Variants in GALNT18 observed in about 807,000 individuals in gnomAD.
GALNT18 encodes polypeptide N-acetylgalactosaminyltransferase 18.
Under a neutral mutation model 69.5 loss-of-function variants are expected in GALNT18, and 44 were observed. The ratio of observed to expected loss-of-function variants is 0.63; its 90% CI spans 0.50 to 0.81. The LOEUF (loss-of-function observed/expected upper bound fraction) is 0.81, where lower values mean the gene tolerates loss of function less well. Among genes scored for constraint, GALNT18 ranks in the 40% least tolerant of loss-of-function variants. The pLI, the probability that GALNT18 is intolerant of heterozygous loss-of-function variation, is 0.00. For missense variants in GALNT18, 715 were observed against 810.0 expected (o/e 0.88, Z 1.42); for synonymous variants, 364 against 318.2 (o/e 1.14, Z -1.53).
intron 1 of GALNT18, among the ~76,000 whole-genome samples, chr11:11,572,763 C>A (rs190468441): frequency 6.6e-6 from 1 of 152,182 alleles, no homozygotes; most frequent in Admixed American, 6.5e-5. Context: ...TATTAGGATG[C>A]AGAAGCAGGC....
In GALNT18 at chr11:11,404,362, T is replaced by A. The variant is rs1222427304; in HGVS notation, c.596-25098A>T. Among the ~76,000 whole-genome samples the A allele has an allele frequency of 6.6e-6, 1 of 152,174 alleles. No individual in the cohort carries two copies. Among genetic ancestry groups the A allele is most frequent in the Non-Finnish European group, 1.5e-5 (1 of 68,036 alleles). On this transcript the variant is annotated intron_variant, in intron 3 of 10. Coordinates refer to ENST00000227756, the MANE Select transcript of GALNT18 (RefSeq NM_198516.3). This position sits in a 1 kb window ranked among gnomAD's most constrained non-coding sequence, Gnocchi z 4.5. Reference sequence around the variant, plus strand: ...ATTAGTTGGATTCAACTTCGGCTGCTTTTATTCTCTCACCCTCCCTAGGGA... The same window carrying A: ...ATTAGTTGGATTCAACTTCGGCTGCATTTATTCTCTCACCCTCCCTAGGGA...
chr11:11,516,693 C>G (rs1247872587), intron 1 of GALNT18, among the ~76,000 whole-genome samples: 2 of 152,130 alleles, frequency 1.3e-5, no homozygotes, highest in African/African-American at 4.8e-5. Context: ...CTTTCCTCAT[C>G]ATTAATAAGA....
At position 11,377,908 on chromosome 11, in the gene GALNT18, A is replaced by G. The variant is rs1487202929; in HGVS notation, c.780-529T>C. On this transcript the variant is annotated intron_variant, in intron 4 of 10. Coordinates refer to ENST00000227756, the MANE Select transcript of GALNT18 (RefSeq NM_198516.3). The surrounding 1 kb of genome is among the most constrained non-coding windows in gnomAD (Gnocchi z 4.6). ...ACATCCACCCCCCAAAGCGTTTCCC[A>G]ACCACCCAAGGAGGGGTGGGGCATT... is the stretch of plus-strand genomic sequence containing the variant. 1.3e-5 allele frequency among the ~76,000 whole-genome samples: 2 copies of G among 152,082 alleles called. No individual in the cohort carries two copies. Among genetic ancestry groups the G allele is most frequent in the Non-Finnish European group, 2.9e-5 (2 of 68,008 alleles).
Position 11,341,012 on chromosome 11 carries a change from A to G in GALNT18, c.1093-8T>C, listed in dbSNP as rs1001323384. On this transcript the variant is annotated splice_polypyrimidine_tract_variant and splice_region_variant and intron_variant, in intron 6 of 10. Transcript: ENST00000227756. The surrounding 1 kb of genome is among the most constrained non-coding windows in gnomAD (Gnocchi z 6.3). Reference sequence around the variant, plus strand: ...CCCGCCACACTGCCACACCTGCAGAAGACATGGAGCCACTTGTCAGAGCCT... The same window carrying G: ...CCCGCCACACTGCCACACCTGCAGAGGACATGGAGCCACTTGTCAGAGCCT... 6.3e-7 allele frequency: 1 copy of G among 1,588,780 alleles called. No individual in the cohort carries two copies. The highest frequency in any genetic ancestry group is 1.7e-4 in the Middle Eastern group (1 of 5,936).
chr11:11,452,080 C>CA (rs61559120), intron 1 of GALNT18, among the ~76,000 whole-genome samples: 193 of 151,914 alleles, frequency 1.3e-3, no homozygotes, highest in African/African-American at 4.1e-3. Flanking sequence ...TCTTTAAAAA[C>CA]AAAAAAAAGT....
At chr11:11,611,311 C>T (rs1203500063) in intron 1 of GALNT18, among the ~76,000 whole-genome samples, 1 of 152,114 alleles carries the variant, frequency 6.6e-6, no homozygotes, top group Non-Finnish European at 1.5e-5. Flanking sequence ...TCCTGAGAGG[C>T]TCAGACAGTT....
chr11:11,275,158 C>A (rs1411308053), intron 10 of GALNT18, among the ~76,000 whole-genome samples: 1 of 152,238 alleles, frequency 6.6e-6, no homozygotes, highest in South Asian at 2.1e-4. Context: ...TACACTCCCA[C>A]CAACAGTGTA....
intron 3 of GALNT18, among the ~76,000 whole-genome samples, chr11:11,385,117 G>C (rs971690455): frequency 3.3e-5 from 5 of 152,030 alleles, no homozygotes; most frequent in African/African-American, 1.2e-4. Flanking sequence ...TGGTGAGCAG[G>C]GAGGCAAGAG....
chr11:11,522,509 A>G (rs564776875), intron 1 of GALNT18, among the ~76,000 whole-genome samples: 2 of 152,126 alleles, frequency 1.3e-5, no homozygotes, highest in Non-Finnish European at 2.9e-5. Flanking sequence ...ATGCCCACAG[A>G]AACACGCAGC....
intron 10 of GALNT18, among the ~76,000 whole-genome samples, chr11:11,273,905 T>A (rs889981698): frequency 6.6e-6 from 1 of 152,150 alleles, no homozygotes; most frequent in African/African-American, 2.4e-5. Context: ...GATGGCTGAA[T>A]AGGAATAGCT....
intron 6 of GALNT18, among the ~76,000 whole-genome samples, chr11:11,366,666 G>A (rs1430818264): frequency 6.6e-6 from 1 of 152,078 alleles, no homozygotes; most frequent in African/African-American, 2.4e-5. Flanking sequence ...GAAAGGTACT[G>A]CCATTGTTAT....
chr11:11,536,840 G>A (rs1448404645), intron 1 of GALNT18, among the ~76,000 whole-genome samples: 3 of 152,216 alleles, frequency 2.0e-5, no homozygotes, highest in Non-Finnish European at 4.4e-5. Flanking sequence ...AATGACCAGA[G>A]CTTCATAAAG....
At chr11:11,422,622 T>G (rs115841370) in intron 3 of GALNT18, among the ~76,000 whole-genome samples, 1,676 of 136,760 alleles carry the variant, frequency 0.012, 25 homozygotes, top group African/African-American at 0.045. Flanking sequence ...TTTTTTGTTG[T>G]TTTTTTTTTT....
intron 1 of GALNT18, among the ~76,000 whole-genome samples, chr11:11,593,783 G>C (rs1284558391): frequency 6.6e-6 from 1 of 152,050 alleles, no homozygotes. Context: ...ATAAAATAAA[G>C]TAAAATAAAA....
At chr11:11,282,829 T>C (rs570288023) in intron 10 of GALNT18, among the ~76,000 whole-genome samples, 14 of 152,322 alleles carry the variant, frequency 9.2e-5, no homozygotes, top group Middle Eastern at 3.4e-3. Context: ...AAAAAGATCT[T>C]TGCTTTTGTA....
intron 4 of GALNT18, 97 bp downstream of exon 4, chr11:11,378,984 C>T: frequency 8.5e-7 from 1 of 1,180,018 alleles, no homozygotes; most frequent in Non-Finnish European, 1.2e-6. Context: ...CCTCTTTTCC[C>T]TTAGGCTATG....
intron 1 of GALNT18, among the ~76,000 whole-genome samples, chr11:11,506,683 G>C (rs1857075146): frequency 1.3e-5 from 2 of 152,208 alleles, no homozygotes; most frequent in South Asian, 4.1e-4. Flanking sequence ...TGTGTTATTA[G>C]AAAAGTGAAG....
intron 6 of GALNT18, among the ~76,000 whole-genome samples, chr11:11,351,009 C>T (rs567361419): frequency 3.8e-4 from 58 of 152,302 alleles, no homozygotes; most frequent in African/African-American, 1.3e-3. Context: ...GAGGCATGGT[C>T]CCTGCAGGCA....
chr11:11,596,971 T>A lies in GALNT18; in HGVS notation c.235+24388A>T, dbSNP rs1859515943. Among the ~76,000 whole-genome samples, 1 of 152,188 alleles carries A rather than the reference T, an allele frequency of 6.6e-6. No homozygotes were observed. Among genetic ancestry groups the A allele is most frequent in the South Asian group, 2.1e-4 (1 of 4,828 alleles). On this transcript the variant is annotated intron_variant, in intron 1 of 10. Transcript: ENST00000227756. The surrounding 1 kb of genome is among the most constrained non-coding windows in gnomAD (Gnocchi z 4.2). ...GATGTTCTTCATCAGGTTGTTGAAA[T>A]TATCTTCAATTCCTAGTTTATTGAG...
Sources: allele counts gnomAD v4.1 joint callset (sites outside exome capture counted in the v4.1 genomes callset), GRCh38; gene constraint gnomAD v4.1.1; non-coding constraint Gnocchi (gnomAD v3.1); transcripts MANE v1.5; gene names NCBI Gene and HGNC (gene_info 2026-07-23, HGNC 2026-07-21).